Variants in MCPH1 observed in about 807,000 individuals in gnomAD.
MCPH1 encodes microcephalin 1, also known as microcephalin.
In MCPH1, 104 loss-of-function variants were observed where a neutral mutation model predicts 84.5. The ratio of observed to expected loss-of-function variants is 1.23; its 90% CI spans 1.05 to 1.45. The LOEUF (loss-of-function observed/expected upper bound fraction) is 1.45. MCPH1 is among the 40% of genes most tolerant of loss of function. The pLI, the probability that MCPH1 is intolerant of heterozygous loss-of-function variation, is 0.00. For missense variants in MCPH1, 1,498 were observed against 1,005.7 expected (o/e 1.49, Z -6.62); for synonymous variants, 514 against 366.8 (o/e 1.40, Z -4.58).
In MCPH1 at chr8:6,624,889, T is replaced by C. The variant is rs535523807; in HGVS notation, c.2452+3198T>C. 1.0e-5 allele frequency: 10 copies of C among 974,082 alleles called. No individual in the cohort carries two copies. In the African/African-American group the frequency reaches 1.6e-4, roughly 15 times the overall value. The allele number at this position is 974,082 out of a possible 1,614,324, so 60.3% of individuals were successfully genotyped here. On this transcript the variant is annotated intron_variant, in intron 13 of 13. Transcript: ENST00000344683. ...AAATCATATACTTTTTTTTTTTTTT[T>C]TCTGAGATGGAGTCTCGCTGTGTCA... is the stretch of plus-strand genomic sequence containing the variant.
intron 12 of MCPH1, among the ~76,000 whole-genome samples, chr8:6,505,580 AT>A (rs1164688640): frequency 8.5e-6 from 1 of 117,834 alleles, no homozygotes; most frequent in African/African-American, 3.2e-5. Context: ...TAGAATGTAT[AT>A]TCTTTTTGTA....
At chr8:6,531,012 T>C (rs2442604) in intron 12 of MCPH1, among the ~76,000 whole-genome samples, 65,114 of 151,998 alleles carry the variant, frequency 0.43, 14,032 homozygotes, top group Middle Eastern at 0.52. Context: ...TTTTTAAAAG[T>C]ATTCCTTATA....
chr8:6,518,404 C>T (rs1586301408), intron 12 of MCPH1, among the ~76,000 whole-genome samples: 1 of 152,138 alleles, frequency 6.6e-6, no homozygotes, highest in Non-Finnish European at 1.5e-5. Context: ...TGGGTTTGTT[C>T]CCTTCCTTCC....
At chr8:6,480,653 G>A (rs1273625335) in intron 10 of MCPH1, 61 bp from the exon 11 acceptor site, 13 of 1,591,032 alleles carry the variant, frequency 8.2e-6, no homozygotes, top group Non-Finnish European at 1.1e-5. Context: ...GAGTGTAACT[G>A]CTTTGATGGG....
At chr8:6,441,325 A>G (rs1803480007) in intron 6 of MCPH1, among the ~76,000 whole-genome samples, 1 of 152,204 alleles carries the variant, frequency 6.6e-6, no homozygotes, top group Admixed American at 6.5e-5. Flanking sequence ...CTGCTACTTT[A>G]CTGCGTCCAG....
Position 6,642,798 on chromosome 8 carries a change from T to A in MCPH1, c.2453-196T>A. 3 of 641,608 alleles carry A rather than the reference T, an allele frequency of 4.7e-6. No individual in the cohort carries two copies. In the South Asian group the frequency reaches 5.2e-5, roughly 11 times the overall value. The allele number at this position is 641,608 out of a possible 1,614,324, so 39.7% of individuals were successfully genotyped here. On this transcript the variant is annotated intron_variant, in intron 13 of 13. Coordinates refer to ENST00000344683, the MANE Select transcript of MCPH1 (RefSeq NM_024596.5). ...CTGGCCAGTGTGACTGAGAACTGAA[T>A]GTTTCATTGTATTGAATTTCGTTTC... is the stretch of plus-strand genomic sequence containing the variant.
chr8:6,461,985 C>G (rs780161126), intron 9 of MCPH1, among the ~76,000 whole-genome samples: 3 of 152,184 alleles, frequency 2.0e-5, no homozygotes, highest in Admixed American at 1.3e-4. Flanking sequence ...AACAGGATAG[C>G]TTTTTGTAAG....
chr8:6,576,801 G>A (rs909395217), intron 12 of MCPH1, among the ~76,000 whole-genome samples: 10 of 137,506 alleles, frequency 7.3e-5, no homozygotes, highest in Non-Finnish European at 1.5e-4. Flanking sequence ...GTCCGCAGGT[G>A]AGCCACCCGC....
chr8:6,410,663 A>T (rs906209098), intron 2 of MCPH1, among the ~76,000 whole-genome samples: 9 of 152,190 alleles, frequency 5.9e-5, no homozygotes, highest in African/African-American at 1.7e-4. Context: ...GAAAAGATTC[A>T]TTCACGGGGA....
intron 9 of MCPH1, among the ~76,000 whole-genome samples, chr8:6,469,344 G>T (rs769188308): frequency 4.6e-5 from 7 of 152,126 alleles, no homozygotes; most frequent in Non-Finnish European, 8.8e-5. Flanking sequence ...TTAAAGATCT[G>T]GGATCTCTTG....
chr8:6,468,911 G>A (rs1807344014), intron 9 of MCPH1, among the ~76,000 whole-genome samples: 2 of 152,158 alleles, frequency 1.3e-5, no homozygotes, highest in African/African-American at 4.8e-5. Context: ...GCTAAAGGCT[G>A]AGCACAGTGG....
At chr8:6,521,079 A>C in intron 12 of MCPH1, 1 of 824,398 alleles carries the variant, frequency 1.2e-6, no homozygotes. Context: ...ATATATGAGA[A>C]ATAGCGCCTT....
chr8:6,542,962 G>A (rs1371756835), intron 12 of MCPH1, among the ~76,000 whole-genome samples: 3 of 152,140 alleles, frequency 2.0e-5, no homozygotes, highest in African/African-American at 7.2e-5. Context: ...TTATAAGGCC[G>A]GCAGGAAGCG....
chr8:6,556,457 C>T (rs28539969), intron 12 of MCPH1, among the ~76,000 whole-genome samples: 20,062 of 152,006 alleles, frequency 0.13, 3,648 homozygotes, highest in African/African-American at 0.41. Context: ...CATCCCCACC[C>T]CACAGTCCCT....
chr8:6,482,396 G>A (rs1809355077), intron 11 of MCPH1, among the ~76,000 whole-genome samples: 2 of 152,146 alleles, frequency 1.3e-5, no homozygotes, highest in Non-Finnish European at 2.9e-5. Flanking sequence ...TCCCCCAGGG[G>A]GCCACGGACT....
chr8:6,409,377 C>G lies in MCPH1; in HGVS notation c.114+7C>G. On this transcript the variant is annotated splice_region_variant and intron_variant, in intron 2 of 13. Coordinates refer to ENST00000344683, the MANE Select transcript of MCPH1 (RefSeq NM_024596.5). ...TGTGGATATGGGGGCAAAGGTAAGA[C>G]ACTTATTTTGCTGTTGATTCATATG... 1.3e-6 allele frequency: 2 copies of G among 1,596,552 alleles called. No homozygotes were observed. Among genetic ancestry groups the G allele is most frequent in the East Asian group, 2.2e-5 (1 of 44,748 alleles).
intron 2 of MCPH1, among the ~76,000 whole-genome samples, chr8:6,410,365 G>T (rs530672428): frequency 6.6e-6 from 1 of 152,246 alleles, no homozygotes; most frequent in Admixed American, 6.5e-5. Flanking sequence ...AGAAAAATAG[G>T]ATGGGCAAAT....
intron 12 of MCPH1, among the ~76,000 whole-genome samples, chr8:6,542,148 C>A (rs1369549253): frequency 1.3e-5 from 2 of 152,192 alleles, no homozygotes. Context: ...AGCGTTCTTG[C>A]CTTTCTGAAT....
chr8:6,578,517 A>C (rs2442588), intron 12 of MCPH1, among the ~76,000 whole-genome samples: 2 of 152,214 alleles, frequency 1.3e-5, no homozygotes, highest in Non-Finnish European at 2.9e-5. Flanking sequence ...ATACTTGATC[A>C]TTTTCTAAAC....
Sources: allele counts gnomAD v4.1 joint callset (sites outside exome capture counted in the v4.1 genomes callset), GRCh38; gene constraint gnomAD v4.1.1; transcripts MANE v1.5; gene names NCBI Gene and HGNC (gene_info 2026-07-23, HGNC 2026-07-21).